CCDC171: variants seen among roughly 807,000 people sequenced by gnomAD.
The protein encoded by CCDC171 is coiled-coil domain containing 171, also known as coiled-coil domain-containing protein 171.
Under a neutral mutation model 168.2 loss-of-function variants are expected in CCDC171, and 177 were observed. That is an observed-to-expected ratio of 1.05 (90% CI 0.93 to 1.19). CCDC171 has a LOEUF of 1.19. CCDC171 is among the 50% of genes most tolerant of loss of function. The pLI, the probability that CCDC171 is intolerant of heterozygous loss-of-function variation, is 0.00. For synonymous variants in CCDC171, 687 were observed against 540.8 expected (o/e 1.27, Z -3.75); for missense variants, 1,991 against 1,539.0 (o/e 1.29, Z -4.91).
intron 6 of CCDC171, among the ~76,000 whole-genome samples, chr9:16,031,460 A>G (rs1689015802): frequency 6.6e-6 from 1 of 152,218 alleles, no homozygotes; most frequent in African/African-American, 2.4e-5. Context: ...AGATGTTGGC[A>G]ATAATCTAGC....
chr9:15,757,948 C>G lies in CCDC171; in HGVS notation c.2671+12317C>G, dbSNP rs373262002. On this transcript the variant is annotated intron_variant, in intron 18 of 25. Coordinates refer to ENST00000380701, the MANE Select transcript of CCDC171 (RefSeq NM_173550.4). ...AGATTTCAGAAGATGTATGGAAATG[C>G]CAGGATGCCCAGGCAGAAGTTTGCT... Among the ~76,000 whole-genome samples, 66 of 152,250 alleles carry G rather than the reference C, an allele frequency of 4.3e-4. No individual in the cohort carries two copies. The South Asian group carries it at 7.3e-3, about 17-fold the overall frequency.
intron 21 of CCDC171, among the ~76,000 whole-genome samples, chr9:15,806,926 A>T (rs945014797): frequency 6.6e-6 from 1 of 151,758 alleles, no homozygotes; most frequent in East Asian, 1.9e-4. Flanking sequence ...TGTTTTTCTC[A>T]TTCATTTTTC....
intron 21 of CCDC171, among the ~76,000 whole-genome samples, chr9:15,810,350 G>A (rs915539943): frequency 2.6e-5 from 4 of 152,212 alleles, no homozygotes; most frequent in African/African-American, 9.6e-5. Context: ...TGGATCCCAT[G>A]CCAGGGCCAC....
At chr9:15,807,714 T>C (rs901928109) in intron 21 of CCDC171, among the ~76,000 whole-genome samples, 1 of 151,994 alleles carries the variant, frequency 6.6e-6, no homozygotes, top group Non-Finnish European at 1.5e-5. Context: ...CAGGACACTT[T>C]AAGCTGGAAT....
At chr9:16,032,350 A>T (rs894761420) in intron 6 of CCDC171, among the ~76,000 whole-genome samples, 6 of 152,190 alleles carry the variant, frequency 3.9e-5, no homozygotes, top group Non-Finnish European at 8.8e-5. Flanking sequence ...GTTGAAATAG[A>T]CGATGGTTTG....
intron 21 of CCDC171, among the ~76,000 whole-genome samples, chr9:15,803,654 G>C (rs1563765296): frequency 6.6e-6 from 1 of 152,070 alleles, no homozygotes; most frequent in Non-Finnish European, 1.5e-5. Flanking sequence ...ATGCTGTTTT[G>C]ATTACAGTAG....
chr9:15,904,183 A>G (rs1274999494), intron 24 of CCDC171, among the ~76,000 whole-genome samples: 1 of 152,194 alleles, frequency 6.6e-6, no homozygotes, highest in Non-Finnish European at 1.5e-5. Flanking sequence ...GAATGCCACA[A>G]AGATACTCCT....
At chr9:15,958,597 A>G (rs1473623934) in intron 25 of CCDC171, among the ~76,000 whole-genome samples, 1 of 149,706 alleles carries the variant, frequency 6.7e-6, no homozygotes, top group Non-Finnish European at 1.5e-5. Flanking sequence ...GTTTGGGGTA[A>G]AGGTGATACC....
chr9:15,932,847 A>G (rs1049062205), intron 25 of CCDC171, among the ~76,000 whole-genome samples: 1 of 151,904 alleles, frequency 6.6e-6, no homozygotes, highest in African/African-American at 2.4e-5. Flanking sequence ...TTCTGTGTCT[A>G]TTGAAATGAT....
rs185628275 is a variant in CCDC171, at chr9:15,648,931, C to T, written c.823-8196C>T. ...TCATATGAAACCAGAAAAGAGACCG[C>T]ATTGCCAAGACAATCCTAAGCCGAA... On this transcript the variant is annotated intron_variant, in intron 7 of 25. Coordinates refer to ENST00000380701, the MANE Select transcript of CCDC171 (RefSeq NM_173550.4). 2.1e-3 allele frequency among the ~76,000 whole-genome samples: 317 copies of T among 152,302 alleles called. 3 individuals carry two copies. Among genetic ancestry groups the T allele is most frequent in the African/African-American group, 7.3e-3 (303 of 41,566 alleles).
intron 23 of CCDC171, among the ~76,000 whole-genome samples, chr9:15,859,154 A>G (rs73422726): frequency 0.025 from 3,732 of 151,972 alleles, 176 homozygotes; most frequent in African/African-American, 0.086. Flanking sequence ...TGATTGTGTG[A>G]ATTTTGTCCT....
the CCDC171 span, among the ~76,000 whole-genome samples, chr9:16,076,576 C>G: frequency 6.6e-6 from 1 of 152,200 alleles, no homozygotes; most frequent in African/African-American, 2.4e-5. Context: ...TCCCATGCTT[C>G]CGGCAGCCTT....
At chr9:16,100,976 G>T in the CCDC171 span, among the ~76,000 whole-genome samples, 2 of 152,188 alleles carry the variant, frequency 1.3e-5, no homozygotes, top group Non-Finnish European at 2.9e-5. Flanking sequence ...GTGGCCTGTT[G>T]CTGCACACAG....
chr9:15,677,925 T>TATATATATATATAAA lies in CCDC171; in HGVS notation c.1077-832_1077-831insTATATATATATAAAA, dbSNP rs59883669. Among the ~76,000 whole-genome samples the TATATATATATATAAA allele has an allele frequency of 1.9e-4, 8 of 41,868 alleles. 1 individual carries two copies. The highest frequency in any genetic ancestry group is 7.0e-4 in the African/African-American group (7 of 9,958). The allele number at this position is 41,868 out of a possible 152,430, so 27.5% of individuals were successfully genotyped here. A position where few individuals can be genotyped will look rare whatever the true frequency, so the allele number is the denominator to read the frequency against. On this transcript the variant is annotated intron_variant, in intron 9 of 25. Coordinates refer to ENST00000380701, the MANE Select transcript of CCDC171 (RefSeq NM_173550.4). ...ATATATATATATATATATATATATA[T>TATATATATATATAAA]AAGAGATGTGGTCTCATTCTGTTAC...
intron 3 of CCDC171, among the ~76,000 whole-genome samples, chr9:15,985,690 A>G (rs2132885627): frequency 6.6e-6 from 1 of 152,356 alleles, no homozygotes; most frequent in East Asian, 1.9e-4. Flanking sequence ...TGTAATATGT[A>G]GAATAACTGA....
chr9:16,054,087 A>C (rs1351617669), intron 1 of CCDC171, among the ~76,000 whole-genome samples: 1 of 152,050 alleles, frequency 6.6e-6, no homozygotes, highest in African/African-American at 2.4e-5. Flanking sequence ...CGCTCCTTTT[A>C]AAAGTGGGCT....
At chr9:15,988,537 G>A (rs962819690) in intron 3 of CCDC171, among the ~76,000 whole-genome samples, 18 of 152,174 alleles carry the variant, frequency 1.2e-4, no homozygotes, top group South Asian at 2.1e-4. Context: ...TCCAACTGAG[G>A]TACCAGGTTC....
At chr9:15,852,621 G>T (rs1391854637) in intron 23 of CCDC171, among the ~76,000 whole-genome samples, 1 of 151,646 alleles carries the variant, frequency 6.6e-6, no homozygotes, top group African/African-American at 2.4e-5. Flanking sequence ...TGCTGCTTAT[G>T]TGTTTGGCCT....
intron 6 of CCDC171, among the ~76,000 whole-genome samples, chr9:15,614,746 A>C (rs2043959997): frequency 6.6e-6 from 1 of 152,210 alleles, no homozygotes; most frequent in African/African-American, 2.4e-5. Context: ...TTCTCATTTT[A>C]AGAGTGAAGG....
Sources: allele counts gnomAD v4.1 joint callset (sites outside exome capture counted in the v4.1 genomes callset), GRCh38; gene constraint gnomAD v4.1.1; transcripts MANE v1.5; gene names NCBI Gene and HGNC (gene_info 2026-07-23, HGNC 2026-07-21).